The following CNTNAP5 variants were observed in gnomAD, a reference collection of about 807,000 sequenced individuals.
CNTNAP5 encodes contactin associated protein family member 5, also known as contactin-associated protein-like 5.
A neutral mutation model predicts 150.2 loss-of-function variants in CNTNAP5; 72 were observed. The ratio of observed to expected loss-of-function variants is 0.48; its 90% CI spans 0.40 to 0.58. The LOEUF is 0.58. CNTNAP5 is among the 20% of genes least tolerant of loss of function. The pLI is 0.00. For missense variants in CNTNAP5, 1,636 were observed against 1,626.2 expected (o/e 1.01, Z -0.10); for synonymous variants, 672 against 619.8 (o/e 1.08, Z -1.25).
intron 12 of CNTNAP5, among the ~76,000 whole-genome samples, chr2:124,615,277 A>G (rs1247346424): frequency 6.6e-6 from 1 of 152,222 alleles, no homozygotes; most frequent in African/African-American, 2.4e-5. Flanking sequence ...TTTCACCCAC[A>G]GTAGAACTTC....
At chr2:124,028,684 T>C (rs1680962594) in intron 1 of CNTNAP5, among the ~76,000 whole-genome samples, 1 of 152,114 alleles carries the variant, frequency 6.6e-6, no homozygotes, top group East Asian at 1.9e-4. Flanking sequence ...TCTTTTGACA[T>C]AAGAAGAAGT....
chr2:124,382,441 G>C (rs1690819831), intron 3 of CNTNAP5, among the ~76,000 whole-genome samples: 1 of 152,110 alleles, frequency 6.6e-6, no homozygotes, highest in Admixed American at 6.5e-5. Context: ...AATTTTCCTA[G>C]GGAAGCATCA....
rs146901507 is a variant in CNTNAP5 at position 124,567,257 on chromosome 2, G to A, written c.1756+3934G>A. Among the ~76,000 whole-genome samples, 777 of 152,280 alleles carry A rather than the reference G, an allele frequency of 5.1e-3. 11 individuals carry two copies. Among genetic ancestry groups the A allele is most frequent in the African/African-American group, 0.017 (727 of 41,552 alleles). ...AAATAACAGAATGGAAATTCCCAAA[G>A]CGTGTAGACACAGCATGCTGCTGTC... On this transcript the variant is annotated intron_variant, in intron 11 of 23. Transcript: ENST00000682447.
chr2:124,880,640 A>G (rs909049312), intron 21 of CNTNAP5, among the ~76,000 whole-genome samples: 4 of 152,164 alleles, frequency 2.6e-5, no homozygotes, highest in Non-Finnish European at 4.4e-5. Flanking sequence ...CATTGAATGC[A>G]TTATTGAATA....
chr2:124,551,912 T>C (rs950470942), intron 10 of CNTNAP5, among the ~76,000 whole-genome samples: 5 of 152,174 alleles, frequency 3.3e-5, no homozygotes, highest in African/African-American at 1.2e-4. Flanking sequence ...GCGATGATTT[T>C]CTCAAGATGT....
intron 13 of CNTNAP5, among the ~76,000 whole-genome samples, chr2:124,739,078 A>G (rs1303177249): frequency 6.6e-6 from 1 of 152,208 alleles, no homozygotes; most frequent in Non-Finnish European, 1.5e-5. Context: ...CCAGCTTGAA[A>G]TGATCCCATC....
intron 3 of CNTNAP5, among the ~76,000 whole-genome samples, chr2:124,351,422 G>A (rs1385835450): frequency 6.6e-6 from 1 of 152,188 alleles, no homozygotes; most frequent in Non-Finnish European, 1.5e-5. Context: ...AGGAAGACCA[G>A]CCAGCCTGGC....
chr2:124,919,136 C>A lies in CNTNAP5; in HGVS notation c.*4848C>A, dbSNP rs779054249. Among the ~76,000 whole-genome samples, 1 of 152,014 alleles carries A rather than the reference C, an allele frequency of 6.6e-6. No individual in the cohort carries two copies. The highest frequency in any genetic ancestry group is 1.5e-5 in the Non-Finnish European group (1 of 67,982). On this transcript the variant is annotated 3_prime_UTR_variant, in exon 24 of 24. Coordinates refer to ENST00000682447, the MANE Select transcript of CNTNAP5 (RefSeq NM_001367498.1). ...GGAAAAAATGCAACACACACACGCA[C>A]GCTCACATGCACACTTTGTACAAAT...
At chr2:124,523,672 A>G (rs1436026637) in intron 8 of CNTNAP5, among the ~76,000 whole-genome samples, 2 of 152,164 alleles carry the variant, frequency 1.3e-5, no homozygotes, top group South Asian at 2.1e-4. Context: ...ATAATAAGGA[A>G]TAGGAATCAT....
intron 2 of CNTNAP5, among the ~76,000 whole-genome samples, chr2:124,226,315 G>A (rs532336779): frequency 4.6e-5 from 7 of 152,036 alleles, no homozygotes; most frequent in Non-Finnish European, 1.0e-4. Context: ...GTGAGGTGAC[G>A]TCTCATTGTG....
At chr2:124,311,839 T>C (rs1217293674) in intron 3 of CNTNAP5, among the ~76,000 whole-genome samples, 2 of 152,208 alleles carry the variant, frequency 1.3e-5, no homozygotes, top group Non-Finnish European at 2.9e-5. Flanking sequence ...ATCTCTGCCC[T>C]TCTGGAATCT....
chr2:124,698,685 T>C (rs1040138945), intron 13 of CNTNAP5, among the ~76,000 whole-genome samples: 2 of 152,076 alleles, frequency 1.3e-5, no homozygotes, highest in South Asian at 2.1e-4. Context: ...ATTCCCATTG[T>C]CCAGGCAGGT....
At chr2:124,847,523 C>T (rs1295965879) in intron 19 of CNTNAP5, among the ~76,000 whole-genome samples, 2 of 152,186 alleles carry the variant, frequency 1.3e-5, no homozygotes, top group Non-Finnish European at 2.9e-5. Flanking sequence ...GGGCTGAGAA[C>T]TTGCCCCAAA....
intron 2 of CNTNAP5, among the ~76,000 whole-genome samples, chr2:124,237,542 T>C (rs1686780312): frequency 6.6e-6 from 1 of 151,992 alleles, no homozygotes; most frequent in Non-Finnish European, 1.5e-5. Flanking sequence ...TTTTTCTTAC[T>C]TAAAACTGCA....
intron 10 of CNTNAP5, among the ~76,000 whole-genome samples, chr2:124,552,614 C>T (rs1695652617): frequency 6.6e-6 from 1 of 152,156 alleles, no homozygotes; most frequent in African/African-American, 2.4e-5. Flanking sequence ...CACATGCACA[C>T]ACATGCACAC....
chr2:124,236,027 A>G (rs2104759011), intron 2 of CNTNAP5, among the ~76,000 whole-genome samples: 1 of 152,036 alleles, frequency 6.6e-6, no homozygotes, highest in Non-Finnish European at 1.5e-5. Flanking sequence ...TTGCAGTGTC[A>G]TGATCTTGGC....
chr2:124,569,706 GC>G (rs1696109394), intron 11 of CNTNAP5, among the ~76,000 whole-genome samples: 1 of 152,054 alleles, frequency 6.6e-6, no homozygotes, highest in African/African-American at 2.4e-5. Context: ...TCCTAACAAT[GC>G]CCTTTAGCTC....
intron 21 of CNTNAP5, among the ~76,000 whole-genome samples, chr2:124,880,590 G>A (rs1209448721): frequency 2.0e-5 from 3 of 151,910 alleles, no homozygotes; most frequent in African/African-American, 7.3e-5. Context: ...TAAATATTTG[G>A]AATCAGTAAA....
chr2:124,383,855 A>C (rs754661776), intron 3 of CNTNAP5, among the ~76,000 whole-genome samples: 1 of 152,156 alleles, frequency 6.6e-6, no homozygotes, highest in East Asian at 1.9e-4. Flanking sequence ...GGAAACAACC[A>C]ATATCATATT....
Sources: gnomAD v4.1 joint callset for allele counts (sites outside exome capture counted in the v4.1 genomes callset) on GRCh38, gnomAD v4.1.1 for gene constraint, MANE v1.5 for transcripts, NCBI Gene and HGNC (gene_info 2026-07-23, HGNC 2026-07-21) for gene names.